Variants in CTNNBL1 observed in about 807,000 individuals in gnomAD.
CTNNBL1 encodes the protein catenin beta like 1.
In CTNNBL1, 31 loss-of-function variants were observed where a neutral mutation model predicts 72.7. The ratio of observed to expected loss-of-function variants is 0.43; its 90% CI spans 0.32 to 0.58. The LOEUF (loss-of-function observed/expected upper bound fraction) is 0.58, where lower values mean the gene tolerates loss of function less well. CTNNBL1 is among the 20% of genes least tolerant of loss of function. The pLI is 0.08. For synonymous variants in CTNNBL1, 240 were observed against 267.3 expected (o/e 0.90, Z 1.00); for missense variants, 534 against 725.1 (o/e 0.74, Z 3.03).
At chr20:37,777,582 T>G in intron 8 of CTNNBL1, 72 bp from the exon 9 acceptor site, 2 of 1,466,250 alleles carry the variant, frequency 1.4e-6, no homozygotes, top group Non-Finnish European at 1.9e-6. Context: ...TGCTGATGTA[T>G]CAGTGTTAGA....
intron 3 of CTNNBL1, among the ~76,000 whole-genome samples, chr20:37,743,506 T>G (rs141713848): frequency 6.6e-6 from 1 of 152,254 alleles, no homozygotes; most frequent in Admixed American, 6.5e-5. Flanking sequence ...CTTGGAATAA[T>G]AAGTGAGAAC....
At chr20:37,745,223 C>T (rs1443391370) in intron 3 of CTNNBL1, among the ~76,000 whole-genome samples, 10 of 152,054 alleles carry the variant, frequency 6.6e-5, no homozygotes, top group Non-Finnish European at 1.3e-4. Context: ...TGTTGCTTAC[C>T]GACTCCAGAT....
chr20:37,863,832 G>A (rs986603651), intron 15 of CTNNBL1, among the ~76,000 whole-genome samples: 16 of 152,250 alleles, frequency 1.1e-4, no homozygotes, highest in Admixed American at 7.2e-4. Flanking sequence ...GGAATTAAAC[G>A]CCATTGCTCA....
chr20:37,793,173 A>G (rs1446074174), intron 10 of CTNNBL1, among the ~76,000 whole-genome samples: 2 of 152,218 alleles, frequency 1.3e-5, no homozygotes, highest in African/African-American at 4.8e-5. Flanking sequence ...CAAATCGTCT[A>G]TATTTGTACA....
chr20:37,837,120 C>T (rs180911049), intron 11 of CTNNBL1, among the ~76,000 whole-genome samples: 14 of 152,292 alleles, frequency 9.2e-5, no homozygotes, highest in African/African-American at 3.4e-4. Context: ...CTGCCCCTAA[C>T]CTTTTCTCGT....
At chr20:37,697,968 T>G (rs1209505803) in intron 1 of CTNNBL1, among the ~76,000 whole-genome samples, 1 of 152,238 alleles carries the variant, frequency 6.6e-6, no homozygotes, top group Non-Finnish European at 1.5e-5. Flanking sequence ...TTTGTCAATC[T>G]GACCCCTTTC....
At chr20:37,848,582 C>G (rs553753440) in intron 13 of CTNNBL1, among the ~76,000 whole-genome samples, 2 of 152,142 alleles carry the variant, frequency 1.3e-5, no homozygotes, top group Non-Finnish European at 2.9e-5. Context: ...TTTTACCTCT[C>G]TAATACCCAA....
intron 1 of CTNNBL1, among the ~76,000 whole-genome samples, chr20:37,719,075 C>A (rs2073018287): frequency 6.6e-6 from 1 of 152,126 alleles, no homozygotes; most frequent in East Asian, 1.9e-4. Context: ...CTCTGAATAT[C>A]CTTGATGCCA....
intron 11 of CTNNBL1, among the ~76,000 whole-genome samples, chr20:37,836,217 A>C (rs942566284): frequency 6.6e-6 from 1 of 152,218 alleles, no homozygotes; most frequent in Admixed American, 6.5e-5. Context: ...AAATACAAAA[A>C]ATTTATCAGG....
intron 13 of CTNNBL1, among the ~76,000 whole-genome samples, chr20:37,851,372 A>G (rs1489500813): frequency 6.6e-6 from 1 of 150,480 alleles, no homozygotes; most frequent in African/African-American, 2.5e-5. Flanking sequence ...TGATGTAGCT[A>G]TAGATTTTTG....
chr20:37,826,321 A>T (rs541668276), intron 11 of CTNNBL1, among the ~76,000 whole-genome samples: 136 of 152,378 alleles, frequency 8.9e-4, no homozygotes, highest in African/African-American at 2.9e-3. Flanking sequence ...AAGAGAATGG[A>T]ATACCATGGG....
intron 13 of CTNNBL1, among the ~76,000 whole-genome samples, chr20:37,849,724 GCA>G (rs2072379070): frequency 6.6e-6 from 1 of 152,194 alleles, no homozygotes; most frequent in Non-Finnish European, 1.5e-5. Flanking sequence ...TGCCCCAAGT[GCA>G]CCCTTGCACT....
chr20:37,788,758 C>G (rs1321120902), intron 10 of CTNNBL1, among the ~76,000 whole-genome samples: 1 of 152,238 alleles, frequency 6.6e-6, no homozygotes, highest in Non-Finnish European at 1.5e-5. Context: ...TATCACCTTT[C>G]TTCTCAAGGT....
At chr20:37,757,715 AC>A in intron 5 of CTNNBL1, 59 bp downstream of exon 5, 1 of 1,322,740 alleles carries the variant, frequency 7.6e-7, no homozygotes, top group Non-Finnish European at 1.1e-6. Context: ...CATTGCCACC[AC>A]CATCGTCTCG....
intron 15 of CTNNBL1, among the ~76,000 whole-genome samples, chr20:37,867,708 C>T (rs1422250382): frequency 5.9e-5 from 9 of 152,148 alleles, no homozygotes; most frequent in East Asian, 3.9e-4. Context: ...CATGCACACA[C>T]GCACACACGC....
At chr20:37,774,400 T>G (rs1007444661) in intron 7 of CTNNBL1, among the ~76,000 whole-genome samples, 4 of 152,158 alleles carry the variant, frequency 2.6e-5, no homozygotes, top group Non-Finnish European at 4.4e-5. Context: ...CCAAGCTGCT[T>G]CTCAGCTGGC....
chr20:37,809,199 A>G (rs952931333), intron 11 of CTNNBL1, among the ~76,000 whole-genome samples: 7 of 152,184 alleles, frequency 4.6e-5, no homozygotes, highest in Admixed American at 4.6e-4. Flanking sequence ...AATTTTATAG[A>G]TATTTACCAC....
intron 1 of CTNNBL1, among the ~76,000 whole-genome samples, chr20:37,705,846 A>G (rs974114667): frequency 1.3e-5 from 2 of 152,166 alleles, no homozygotes; most frequent in Non-Finnish European, 1.5e-5. Flanking sequence ...GAGAAGATGT[A>G]GTAGGAATTC....
chr20:37,844,202 T>C (rs2122822713), intron 13 of CTNNBL1, among the ~76,000 whole-genome samples: 1 of 152,272 alleles, frequency 6.6e-6, no homozygotes, highest in South Asian at 2.1e-4. Flanking sequence ...GAATCCCCGA[T>C]GTTATCTGCT....
Sources: allele counts gnomAD v4.1 joint callset (sites outside exome capture counted in the v4.1 genomes callset), GRCh38; gene constraint gnomAD v4.1.1; transcripts MANE v1.5; gene names NCBI Gene and HGNC (gene_info 2026-07-23, HGNC 2026-07-21).